SI: variants seen among roughly 807,000 people sequenced by gnomAD.
SI encodes sucrase-isomaltase, intestinal.
SI carries 235 observed loss-of-function variants against 253.3 expected under a neutral mutation model. The observed-to-expected ratio is 0.93, with a 90% CI of 0.83 to 1.03. The LOEUF (loss-of-function observed/expected upper bound fraction) is 1.03. Ranked by LOEUF, SI falls within the 50% of genes least tolerant of loss-of-function variation. The probability of loss-of-function intolerance (pLI) is 0.00; values close to 1 mark genes in which losing one functional copy is unlikely to be tolerated. For missense variants in SI, 2,442 were observed against 2,211.1 expected (o/e 1.10, Z -2.09); for synonymous variants, 819 against 712.0 (o/e 1.15, Z -2.39).
rs1714305650 is a variant in SI, at chr3:165,067,503, T to C, written c.484-12A>G. ...TTTGGATCAGTAATCTGGAAAGATT[T>C]AAGCAAGGTAGCATTACTGGATTCT... On this transcript the variant is annotated splice_polypyrimidine_tract_variant and intron_variant, in intron 5 of 47. Coordinates refer to ENST00000264382, the MANE Select transcript of SI (RefSeq NM_001041.4). The C allele has an allele frequency of 6.3e-7, 1 of 1,598,220 alleles. No individual in the cohort carries two copies.
intron 15 of SI, among the ~76,000 whole-genome samples, chr3:165,048,456 T>C (rs1713241853): frequency 1.3e-5 from 2 of 150,784 alleles, no homozygotes; most frequent in South Asian, 2.1e-4. Flanking sequence ...AATTGTGAGA[T>C]GCAAGCTTAA....
chr3:165,050,587 A>C (rs766389130), intron 13 of SI, among the ~76,000 whole-genome samples: 2 of 152,072 alleles, frequency 1.3e-5, no homozygotes, highest in Non-Finnish European at 2.9e-5. Flanking sequence ...AAAAAAGATA[A>C]ATTTTATAAA....
chr3:165,071,633 C>A (rs1332187181), intron 3 of SI, among the ~76,000 whole-genome samples: 2 of 151,840 alleles, frequency 1.3e-5, no homozygotes, highest in East Asian at 3.9e-4. Flanking sequence ...GGAGATAGGT[C>A]CTTTAAGGGG....
intron 44 of SI, among the ~76,000 whole-genome samples, chr3:164,987,757 C>T (rs1337597170): frequency 6.6e-6 from 1 of 152,104 alleles, no homozygotes; most frequent in Non-Finnish European, 1.5e-5. Context: ...GTCTTTTGAT[C>T]TCAAGGTTTC....
At chr3:165,012,256 G>T (rs1189444878) in intron 34 of SI, among the ~76,000 whole-genome samples, 2 of 152,086 alleles carry the variant, frequency 1.3e-5, no homozygotes, top group African/African-American at 4.8e-5. Flanking sequence ...GAAAATAAGG[G>T]CTTGCTAAGA....
At chr3:165,070,605 A>G (rs1714513457) in intron 3 of SI, among the ~76,000 whole-genome samples, 2 of 151,950 alleles carry the variant, frequency 1.3e-5, no homozygotes, top group African/African-American at 4.8e-5. Context: ...AGATTTGTAT[A>G]TAAAACTCTA....
the SI span, among the ~76,000 whole-genome samples, chr3:165,088,742 T>C: frequency 1.3e-5 from 2 of 151,750 alleles, no homozygotes; most frequent in East Asian, 3.9e-4. Flanking sequence ...CCGAACTGAA[T>C]ATAAACATTT....
rs761087250 is a variant in SI, at chr3:165,037,949, C to T, written c.2377G>A (p.Gly793Arg). 1.9e-6 allele frequency: 3 copies of T among 1,611,580 alleles called. No individual in the cohort carries two copies. In the Admixed American group the frequency reaches 5.0e-5, roughly 27 times the overall value. ...PADKIGLHLR[G>R]GYIIPIQEPD... ...TCTTGAATGGGGATGATATAACCTCCTCTAAGATGTAATCCTATTTTGTCT... is the reference window on the plus strand; with the variant it reads ...TCTTGAATGGGGATGATATAACCTCTTCTAAGATGTAATCCTATTTTGTCT... The change falls in exon 21 of 48, where the codon GGA becomes AGA. Residue 793 changes from glycine to arginine, a missense_variant. Transcript: ENST00000264382.
At chr3:165,040,723 T>C (rs1320546588) in intron 18 of SI, among the ~76,000 whole-genome samples, 1 of 152,074 alleles carries the variant, frequency 6.6e-6, no homozygotes, top group Non-Finnish European at 1.5e-5. Flanking sequence ...TATCTTTTCC[T>C]TGTAAGTTCT....
At chr3:165,051,208 C>A (rs1200589425) in intron 13 of SI, among the ~76,000 whole-genome samples, 2 of 151,874 alleles carry the variant, frequency 1.3e-5, no homozygotes, top group African/African-American at 4.8e-5. Flanking sequence ...TCAAAATATT[C>A]TCATAAAAGT....
chr3:165,067,409 A>C lies in SI; in HGVS notation c.566T>G (p.Leu189Trp). The C allele has an allele frequency of 1.2e-6, 2 of 1,612,450 alleles. No homozygotes were observed. Among genetic ancestry groups the C allele is most frequent in the Non-Finnish European group, 1.7e-6 (2 of 1,178,738 alleles). ...GTTTTGGGCAACCTTCACATCATACAACGTATCAGAAACTGTGGGTCCAGT... is the reference window on the plus strand; with the variant it reads ...GTTTTGGGCAACCTTCACATCATACCACGTATCAGAAACTGTGGGTCCAGT... Reference protein sequence around the residue: ...EFTGPTVSDTLYDVKVAQNPF... With the variant: ...EFTGPTVSDTWYDVKVAQNPF... The change falls in exon 6 of 48, where the codon TTG becomes TGG. Residue 189 changes from leucine to tryptophan, a missense_variant. Leu to Trp is a moderately conservative substitution (Grantham distance 61). Transcript: ENST00000264382.
intron 26 of SI, among the ~76,000 whole-genome samples, chr3:165,021,795 T>C (rs1383528700): frequency 6.6e-6 from 1 of 151,586 alleles, no homozygotes; most frequent in Non-Finnish European, 1.5e-5. Context: ...TTTTTATTTC[T>C]TCAGCACATT....
rs1209232612 is a variant in SI at position 165,002,753 on chromosome 3, GT to G, written c.4406+4062del. Among the ~76,000 whole-genome samples, 9 of 151,672 alleles carry G rather than the reference GT, an allele frequency of 5.9e-5. No homozygotes were observed. The East Asian group carries it at 1.4e-3, about 23-fold the overall frequency. On this transcript the variant is annotated intron_variant, in intron 37 of 47. Coordinates refer to ENST00000264382, the MANE Select transcript of SI (RefSeq NM_001041.4). ...TCTCTAAAATTTTCCGAGTTCAGCA[GT>G]TTTTTGTAACTGAAAAAATTAAAAT... is the stretch of plus-strand genomic sequence containing the variant.
At chr3:165,038,552 A>C (rs1377543162) in intron 20 of SI, among the ~76,000 whole-genome samples, 5 of 78,514 alleles carry the variant, frequency 6.4e-5, no homozygotes, top group Non-Finnish European at 1.6e-4. Context: ...TACTAAAAAA[A>C]AATTCAAAAA....
chr3:165,054,153 A>G (rs562026731), intron 13 of SI, among the ~76,000 whole-genome samples: 53 of 152,282 alleles, frequency 3.5e-4, no homozygotes, highest in African/African-American at 1.2e-3. Flanking sequence ...TTAATAAATA[A>G]GTGAATAATT....
At chr3:164,997,433 G>T (rs956013270) in intron 38 of SI, among the ~76,000 whole-genome samples, 1 of 145,264 alleles carries the variant, frequency 6.9e-6, no homozygotes, top group Non-Finnish European at 1.5e-5. Context: ...AATTTGGTTC[G>T]AAATGTTTCT....
chr3:164,998,990 T>C (rs1035209446), intron 37 of SI, among the ~76,000 whole-genome samples: 17 of 151,996 alleles, frequency 1.1e-4, no homozygotes, highest in Non-Finnish European at 2.4e-4. Flanking sequence ...TTGAGCTTTT[T>C]ATTTTACTTT....
rs755780833 is a variant in SI, at chr3:165,049,796, G to A, written c.1592C>T (p.Thr531Ile). 4.4e-6 allele frequency: 7 copies of A among 1,580,680 alleles called. No individual in the cohort carries two copies. The South Asian group carries it at 4.4e-5, about 10-fold the overall frequency. Residue 531 changes from threonine (T) to isoleucine (I), a missense_variant, in exon 14 of 48, where the codon ACT (threonine) becomes ATT (isoleucine). Coordinates refer to ENST00000264382, the MANE Select transcript of SI (RefSeq NM_001041.4). ...GATAACCAAATAAATTTTACCAGGA[G>A]TAAACGGTGGATAATTCAATTTGTT... is the stretch of plus-strand genomic sequence containing the variant. The part of the protein sequence containing the change: ...NVNKLNYPPF[T>I]PDILDKLMYS...
At chr3:165,070,216 T>A (rs2108103143) in intron 3 of SI, among the ~76,000 whole-genome samples, 1 of 144,800 alleles carries the variant, frequency 6.9e-6, no homozygotes, top group East Asian at 2.0e-4. Flanking sequence ...ATATAAAATA[T>A]GTTTATATAG....
Sources: allele counts gnomAD v4.1 joint callset (sites outside exome capture counted in the v4.1 genomes callset), GRCh38; gene constraint gnomAD v4.1.1; transcripts MANE v1.5; gene names NCBI Gene and HGNC (gene_info 2026-07-23, HGNC 2026-07-21).